The following B3GALT1 variants were observed in gnomAD, a reference collection of about 807,000 sequenced individuals.
B3GALT1 encodes beta-1,3-galactosyltransferase 1.
Under a neutral mutation model 23.2 loss-of-function variants are expected in B3GALT1, and 10 were observed. The ratio of observed to expected loss-of-function variants is 0.43; its 90% CI spans 0.27 to 0.73. The LOEUF (loss-of-function observed/expected upper bound fraction) is 0.73. Among genes scored for constraint, B3GALT1 ranks in the 30% least tolerant of loss-of-function variants. The pLI, the probability that B3GALT1 is intolerant of heterozygous loss-of-function variation, is 0.21. For missense variants in B3GALT1, 299 were observed against 405.4 expected (o/e 0.74, Z 2.25); for synonymous variants, 156 against 141.5 (o/e 1.10, Z -0.73).
intron 2 of B3GALT1, among the ~76,000 whole-genome samples, chr2:167,616,487 A>T (rs1685164597): frequency 6.6e-6 from 1 of 152,010 alleles, no homozygotes; most frequent in East Asian, 1.9e-4. Context: ...TGATCACTTG[A>T]GGTCAGGAGT....
intron 1 of B3GALT1, among the ~76,000 whole-genome samples, chr2:167,376,909 T>A (rs574524803): frequency 1.3e-5 from 2 of 152,152 alleles, no homozygotes; most frequent in Non-Finnish European, 2.9e-5. Flanking sequence ...TTGTTTTTTG[T>A]AGTCCCTCTA....
intron 3 of B3GALT1, among the ~76,000 whole-genome samples, chr2:167,654,053 T>C (rs1685910800): frequency 6.6e-6 from 1 of 152,140 alleles, no homozygotes; most frequent in African/African-American, 2.4e-5. Flanking sequence ...GGCAGTACAG[T>C]GGTGGTTAAA....
In B3GALT1 at chr2:167,719,692, G is replaced by A. The variant is rs140240909; in HGVS notation, c.-352+72726G>A. 4.9e-3 allele frequency among the ~76,000 whole-genome samples: 753 copies of A among 152,306 alleles called. 6 individuals are homozygous for A. Among genetic ancestry groups the A allele is most frequent in the African/African-American group, 0.017 (711 of 41,568 alleles). ...CTCACGCCTGTAATCCAGCACTTTG[G>A]GAGGCCGAGGCAGGCAGATCAAGAG... On this transcript the variant is annotated intron_variant, in intron 3 of 4. Coordinates refer to ENST00000392690, the MANE Select transcript of B3GALT1 (RefSeq NM_020981.4).
intron 3 of B3GALT1, among the ~76,000 whole-genome samples, chr2:167,806,175 T>C (rs1319445516): frequency 6.6e-6 from 1 of 152,222 alleles, no homozygotes; most frequent in Non-Finnish European, 1.5e-5. Context: ...TGTACATTGA[T>C]TTTGTATCCT....
chr2:167,725,486 T>C (rs904346165), intron 3 of B3GALT1, among the ~76,000 whole-genome samples: 5 of 152,210 alleles, frequency 3.3e-5, no homozygotes, highest in Non-Finnish European at 7.3e-5. Context: ...CCAAATTTCT[T>C]ATCTTTTATA....
chr2:167,555,747 T>A (rs1293190663), intron 2 of B3GALT1, among the ~76,000 whole-genome samples: 4 of 152,124 alleles, frequency 2.6e-5, no homozygotes. Context: ...GAAAATACAG[T>A]GTGGTACCAT....
chr2:167,293,107 T>C lies in B3GALT1; in HGVS notation c.-738T>C, dbSNP rs1191334048. 6.6e-6 allele frequency: 1 copy of C among 151,048 alleles called. No homozygotes were observed. Among genetic ancestry groups the C allele is most frequent in the Non-Finnish European group, 1.5e-5 (1 of 67,696 alleles). 9.4% of individuals were successfully genotyped at this position (151,048 alleles called of 1,614,324 possible). On this transcript the variant is annotated 5_prime_UTR_variant, in exon 1 of 5. Coordinates refer to ENST00000392690, the MANE Select transcript of B3GALT1 (RefSeq NM_020981.4). ...CTCGCGCGGGCGCCGCCGCCGCCTC[T>C]GCTGCTGCCCACCCCGCCGCGCCGC...
intron 3 of B3GALT1, among the ~76,000 whole-genome samples, chr2:167,792,608 C>A (rs1688455685): frequency 6.6e-6 from 1 of 152,138 alleles, no homozygotes; most frequent in Admixed American, 6.5e-5. Flanking sequence ...TGGCAGGAAC[C>A]AGATGGTAGA....
chr2:167,432,016 A>G (rs1401663530), intron 1 of B3GALT1, among the ~76,000 whole-genome samples: 1 of 152,164 alleles, frequency 6.6e-6, no homozygotes, highest in Non-Finnish European at 1.5e-5. Context: ...CCTAGAAGAG[A>G]AGGATAGTCC....
chr2:167,387,229 C>G lies in B3GALT1; in HGVS notation c.-511+93895C>G, dbSNP rs148774818. ...CCCTAAACTCAGATTTATGACACTG[C>G]TAGAATAAATAGAAAAATACATGTA... On this transcript the variant is annotated intron_variant, in intron 1 of 4. Coordinates refer to ENST00000392690, the MANE Select transcript of B3GALT1 (RefSeq NM_020981.4). 2.8e-3 allele frequency among the ~76,000 whole-genome samples: 427 copies of G among 152,114 alleles called. 2 individuals are homozygous for G. The highest frequency in any genetic ancestry group is 2.9e-3 in the Non-Finnish European group (198 of 67,992).
chr2:167,690,189 G>T (rs1168430934), intron 3 of B3GALT1, among the ~76,000 whole-genome samples: 1 of 151,730 alleles, frequency 6.6e-6, no homozygotes, highest in East Asian at 1.9e-4. Context: ...AATTTAAAAT[G>T]TTGAAAATTT....
At chr2:167,788,272 G>T (rs1688375762) in intron 3 of B3GALT1, among the ~76,000 whole-genome samples, 1 of 151,796 alleles carries the variant, frequency 6.6e-6, no homozygotes, top group African/African-American at 2.4e-5. Context: ...GTCCGGAAGT[G>T]GGTGGGGGCG....
intron 1 of B3GALT1, among the ~76,000 whole-genome samples, chr2:167,397,265 C>T (rs927529141): frequency 1.4e-5 from 2 of 144,268 alleles, no homozygotes; most frequent in Non-Finnish European, 3.0e-5. Context: ...TCCTTTGCTT[C>T]CTTTTTTCTT....
chr2:167,456,370 A>C (rs535854380), intron 1 of B3GALT1, among the ~76,000 whole-genome samples: 1 of 152,312 alleles, frequency 6.6e-6, no homozygotes, highest in South Asian at 2.1e-4. Context: ...ACCTCCCACC[A>C]GGCCCCACCT....
chr2:167,834,769 A>T (rs1689423713), intron 4 of B3GALT1, among the ~76,000 whole-genome samples: 1 of 152,062 alleles, frequency 6.6e-6, no homozygotes, highest in Non-Finnish European at 1.5e-5. Flanking sequence ...GAACTGCTTG[A>T]ACCTAGGAGG....
intron 3 of B3GALT1, among the ~76,000 whole-genome samples, chr2:167,735,404 A>G (rs1687476701): frequency 6.6e-6 from 1 of 152,250 alleles, no homozygotes; most frequent in Non-Finnish European, 1.5e-5. Flanking sequence ...CTTCTACAGC[A>G]GCTAAACATC....
chr2:167,537,354 G>T (rs1212433500), intron 2 of B3GALT1, among the ~76,000 whole-genome samples: 1 of 152,070 alleles, frequency 6.6e-6, no homozygotes, highest in Non-Finnish European at 1.5e-5. Flanking sequence ...TGAGATTTGG[G>T]TGGGGACACA....
At chr2:167,441,309 CA>C (rs1269246698) in intron 1 of B3GALT1, among the ~76,000 whole-genome samples, 6 of 152,182 alleles carry the variant, frequency 3.9e-5, no homozygotes, top group South Asian at 2.1e-4. Context: ...TTAGCTGGAG[CA>C]AACTCTGAAG....
At chr2:167,839,421 A>G (rs1251525983) in intron 4 of B3GALT1, among the ~76,000 whole-genome samples, 3 of 152,284 alleles carry the variant, frequency 2.0e-5, no homozygotes, top group Admixed American at 2.0e-4. Flanking sequence ...GTGAACTTCC[A>G]TTCACAATTG....
Sources: allele counts gnomAD v4.1 joint callset (sites outside exome capture counted in the v4.1 genomes callset), GRCh38; gene constraint gnomAD v4.1.1; transcripts MANE v1.5; gene names NCBI Gene and HGNC (gene_info 2026-07-23, HGNC 2026-07-21).